The following ZFYVE9 variants were observed in gnomAD, a reference collection of about 807,000 sequenced individuals.
ZFYVE9 encodes zinc finger FYVE domain-containing protein 9.
ZFYVE9 carries 43 observed loss-of-function variants against 126.7 expected under a neutral mutation model. The ratio of observed to expected loss-of-function variants is 0.34; its 90% CI spans 0.27 to 0.44. The LOEUF (loss-of-function observed/expected upper bound fraction) is 0.44, where lower values mean the gene tolerates loss of function less well. Among genes scored for constraint, ZFYVE9 ranks in the 20% least tolerant of loss-of-function variants. ZFYVE9 has a pLI of 1.00. For synonymous variants in ZFYVE9, 521 were observed against 597.4 expected (o/e 0.87, Z 1.87); for missense variants, 1,476 against 1,697.0 (o/e 0.87, Z 2.29).
chr1:52,143,890 G>A (rs1030992021), intron 1 of ZFYVE9, among the ~76,000 whole-genome samples: 3 of 152,294 alleles, frequency 2.0e-5, no homozygotes, highest in African/African-American at 7.2e-5. Context: ...GCCTTGCATT[G>A]TTTTTGTCAG....
At chr1:52,262,279 T>G (rs1378241292) in intron 4 of ZFYVE9, among the ~76,000 whole-genome samples, 2 of 152,208 alleles carry the variant, frequency 1.3e-5, no homozygotes, top group Non-Finnish European at 2.9e-5. Flanking sequence ...CTTTTGGGGT[T>G]AAGATTTCAA....
At chr1:52,156,487 G>T (rs1644404445) in intron 1 of ZFYVE9, among the ~76,000 whole-genome samples, 1 of 152,168 alleles carries the variant, frequency 6.6e-6, no homozygotes, top group Non-Finnish European at 1.5e-5. Flanking sequence ...ACACCCAGGG[G>T]ACGGAGAGCT....
chr1:52,342,568 T>C (rs1646447962), intron 17 of ZFYVE9, among the ~76,000 whole-genome samples: 1 of 138,048 alleles, frequency 7.2e-6, no homozygotes, highest in Non-Finnish European at 1.5e-5. Context: ...GGAGTCTCGC[T>C]CTTGTCACCC....
intron 1 of ZFYVE9, among the ~76,000 whole-genome samples, chr1:52,183,216 A>T (rs1285827848): frequency 6.6e-6 from 1 of 152,244 alleles, no homozygotes; most frequent in Non-Finnish European, 1.5e-5. Flanking sequence ...GGTTGAAAAG[A>T]CAGAGGACAC....
intron 7 of ZFYVE9, among the ~76,000 whole-genome samples, chr1:52,272,771 G>A (rs996661641): frequency 6.7e-5 from 10 of 148,438 alleles, no homozygotes; most frequent in African/African-American, 2.5e-4. Flanking sequence ...CCAGGTTCAA[G>A]CAATTCTCCT....
chr1:52,225,553 A>T (rs950313372), intron 2 of ZFYVE9, among the ~76,000 whole-genome samples: 2 of 152,176 alleles, frequency 1.3e-5, no homozygotes, highest in East Asian at 1.9e-4. Context: ...CCCATGTTGG[A>T]TGGGTCGGAC....
chr1:52,340,014 A>C lies in ZFYVE9; in HGVS notation c.3834-112A>C, dbSNP rs553182355. On this transcript the variant is annotated intron_variant, in intron 16 of 18. Transcript: ENST00000287727. ...TATGATGTGCTGCACAGGTGTGTTCAGCAGGGTACCCAGTGTAATTAGCAG... is the reference window on the plus strand; with the variant it reads ...TATGATGTGCTGCACAGGTGTGTTCCGCAGGGTACCCAGTGTAATTAGCAG... 3.2e-5 allele frequency: 26 copies of C among 802,020 alleles called. No homozygotes were observed. In the African/African-American group the frequency reaches 4.1e-4, roughly 13 times the overall value. The allele number at this position is 802,020 out of a possible 1,614,324, so 49.7% of individuals were successfully genotyped here. A position where few individuals can be genotyped will look rare whatever the true frequency, so the allele number is the denominator to read the frequency against.
In ZFYVE9 at chr1:52,239,361, T is replaced by G; in HGVS notation, c.1944T>G (p.His648Gln). Residue 648 changes from histidine (H) to glutamine (Q), a missense_variant, in exon 4 of 19, where the codon CAT becomes CAG. Around this residue, in one of 2 missense-constraint regions of ZFYVE9, gnomAD observed 807 missense variants for 794.6 expected, o/e 1.02. Coordinates refer to ENST00000287727, the MANE Select transcript of ZFYVE9 (RefSeq NM_004799.4). Reference sequence around the variant, plus strand: ...CTAATGTCGATACAAATGGGGAACATTTAGAAAGTTATGAGGCTGAGATCT... The same window carrying G: ...CTAATGTCGATACAAATGGGGAACAGTTAGAAAGTTATGAGGCTGAGATCT... ...NISNVDTNGE[H>Q]LESYEAEIST... 6.2e-7 allele frequency: 1 copy of G among 1,614,088 alleles called. No individual in the cohort carries two copies.
At chr1:52,162,013 A>G (rs1009650086) in intron 1 of ZFYVE9, among the ~76,000 whole-genome samples, 61 of 152,040 alleles carry the variant, frequency 4.0e-4, no homozygotes, top group African/African-American at 1.4e-3. Context: ...AATGACAACA[A>G]TTACATCTTT....
chr1:52,322,102 C>G (rs940205770), intron 13 of ZFYVE9, among the ~76,000 whole-genome samples: 1 of 152,160 alleles, frequency 6.6e-6, no homozygotes, highest in Non-Finnish European at 1.5e-5. Context: ...ACAGGCTTCT[C>G]CATCTAAATT....
intron 1 of ZFYVE9, among the ~76,000 whole-genome samples, chr1:52,197,364 G>A (rs1020711247): frequency 1.3e-5 from 2 of 152,158 alleles, no homozygotes; most frequent in Non-Finnish European, 2.9e-5. Flanking sequence ...GTGGAGCATG[G>A]AGACATTGAG....
intron 1 of ZFYVE9, among the ~76,000 whole-genome samples, chr1:52,176,490 G>T (rs1342686569): frequency 6.6e-6 from 1 of 152,216 alleles, no homozygotes; most frequent in African/African-American, 2.4e-5. Context: ...ATCTCCACCT[G>T]TGTGCTGGGA....
intron 10 of ZFYVE9, among the ~76,000 whole-genome samples, chr1:52,291,866 A>G (rs932166980): frequency 2.0e-5 from 3 of 147,678 alleles, no homozygotes; most frequent in South Asian, 2.2e-4. Context: ...AGGGTGGGTA[A>G]CAGAGCGAGA....
Position 52,238,165 on chromosome 1 carries a change from G to T in ZFYVE9, c.748G>T (p.Gly250Ter). Residue 250 changes from glycine (G) to a stop codon, truncating the protein, a stop_gained, in exon 4 of 19, where the codon GGA (glycine) becomes TGA (stop). Transcript: ENST00000287727. LOFTEE classifies it high-confidence loss of function. ...VCSPSQLKDD[G>*]SIGRDPSMSA... ...TTCCCCTTCACAATTAAAGGATGACGGAAGTATAGGTAGAGACCCCTCCAT... is the reference window on the plus strand; with the variant it reads ...TTCCCCTTCACAATTAAAGGATGACTGAAGTATAGGTAGAGACCCCTCCAT... 2 of 1,614,054 alleles carry T rather than the reference G, an allele frequency of 1.2e-6. No homozygotes were observed. Among genetic ancestry groups the T allele is most frequent in the Non-Finnish European group, 1.7e-6 (2 of 1,179,944 alleles).
At chr1:52,179,242 G>A (rs1644672124) in intron 1 of ZFYVE9, among the ~76,000 whole-genome samples, 1 of 152,180 alleles carries the variant, frequency 6.6e-6, no homozygotes, top group African/African-American at 2.4e-5. Flanking sequence ...TAGGTTTTAG[G>A]GAGTAGTTAA....
chr1:52,298,440 G>A (rs1569703509), intron 12 of ZFYVE9, among the ~76,000 whole-genome samples: 1 of 152,074 alleles, frequency 6.6e-6, no homozygotes, highest in African/African-American at 2.4e-5. Context: ...CACCTTTGTC[G>A]AAAATTAGTT....
At chr1:52,307,005 G>A (rs556608862) in intron 13 of ZFYVE9, among the ~76,000 whole-genome samples, 50 of 152,320 alleles carry the variant, frequency 3.3e-4, no homozygotes, top group African/African-American at 1.1e-3. Context: ...GCCGGAACAA[G>A]CCCAGCAGGC....
At chr1:52,302,544 A>T (rs560854164) in intron 12 of ZFYVE9, among the ~76,000 whole-genome samples, 4 of 152,294 alleles carry the variant, frequency 2.6e-5, no homozygotes, top group Admixed American at 2.6e-4. Context: ...TGAGGTCAGG[A>T]GTTTGAGACC....
chr1:52,192,862 T>A (rs1310154630), intron 1 of ZFYVE9, among the ~76,000 whole-genome samples: 1 of 152,228 alleles, frequency 6.6e-6, no homozygotes, highest in Non-Finnish European at 1.5e-5. Flanking sequence ...AATGAAACAT[T>A]ATTTCTGCCT....
Sources: allele counts gnomAD v4.1 joint callset (sites outside exome capture counted in the v4.1 genomes callset), GRCh38; gene constraint gnomAD v4.1.1; regional missense constraint gnomAD v4.1.1; transcripts MANE v1.5; gene names NCBI Gene and HGNC (gene_info 2026-07-23, HGNC 2026-07-21).